Variants in JCAD observed in about 807,000 individuals in gnomAD.
JCAD encodes the protein junctional cadherin 5 associated, also known as junctional cadherin 5-associated protein.
Under a neutral mutation model 98.0 loss-of-function variants are expected in JCAD, and 40 were observed. That is an observed-to-expected ratio of 0.41 (90% CI 0.32 to 0.53). The LOEUF (loss-of-function observed/expected upper bound fraction) is 0.53, where lower values mean the gene tolerates loss of function less well. Among genes scored for constraint, JCAD ranks in the 20% least tolerant of loss-of-function variants. JCAD has a pLI of 0.31. For missense variants in JCAD, 1,705 were observed against 1,738.1 expected, an observed-to-expected ratio of 0.98 and a Z score of 0.34; for synonymous variants, 691 against 682.3, an observed-to-expected ratio of 1.01 and a Z score of -0.20.
In JCAD at chr10:30,014,004, T is replaced by A. The variant is rs1222943192; in HGVS notation, c.*3879A>T. ...ATGGTCTTAATGACTCCCTTTTTAT[T>A]TCTTTCCAACAAAACCTGCAGGCTG... On this transcript the variant is annotated 3_prime_UTR_variant, in exon 4 of 4. Transcript: ENST00000375377. 2 of 152,226 alleles carry A rather than the reference T, an allele frequency of 1.3e-5. No homozygotes were observed. The highest frequency in any genetic ancestry group is 1.3e-4 in the Admixed American group (2 of 15,284). The allele number at this position is 152,226 out of a possible 1,614,324, so 9.4% of individuals were successfully genotyped here. A position where few individuals can be genotyped will look rare whatever the true frequency, so the allele number is the denominator to read the frequency against.
intron 1 of JCAD, among the ~76,000 whole-genome samples, chr10:30,085,744 T>A (rs981729448): frequency 6.6e-6 from 1 of 152,238 alleles, no homozygotes; most frequent in African/African-American, 2.4e-5. Context: ...AGCAGAGTCC[T>A]GATTTCTAGC....
intron 1 of JCAD, among the ~76,000 whole-genome samples, chr10:30,073,107 T>C (rs745598773): frequency 2.4e-4 from 37 of 152,336 alleles, no homozygotes; most frequent in Non-Finnish European, 4.6e-4. Flanking sequence ...CTGAAGGTAT[T>C]CACAGTAAAG....
At position 30,029,134 on chromosome 10, in the gene JCAD, T is replaced by C. The variant is rs1169647768; in HGVS notation, c.1014A>G (p.Pro338=). The change falls in exon 3 of 4, where the codon CCA becomes CCG. Residue 338 remains proline (P), a synonymous_variant. Transcript: ENST00000375377. ...TGTATGAGGGCGGAGGCACGTACAC[T>C]GGAGGTTCCAATCCAGGGTCTGACA... ...LCLSDPGLEP[P]VYVPPPSYRS... The C allele has an allele frequency of 6.2e-7, 1 of 1,614,034 alleles. No individual in the cohort carries two copies. The highest frequency in any genetic ancestry group is 1.3e-5 in the African/African-American group (1 of 74,922).
At position 30,026,863 on chromosome 10, in the gene JCAD, C is replaced by CGCCA; in HGVS notation, c.3281_3284dup (p.Val1096GlyfsTer19). The CGCCA allele has an allele frequency of 6.2e-7, 1 of 1,613,966 alleles. No homozygotes were observed. Among genetic ancestry groups the CGCCA allele is most frequent in the South Asian group, 1.1e-5 (1 of 91,068 alleles). On this transcript the variant is annotated frameshift_variant, in exon 3 of 4. Transcript: ENST00000375377. LOFTEE classifies it high-confidence loss of function. The stretch of plus-strand genomic sequence containing the variant: ...GGATGCCCGGCAGGAGGGACTCCAC[C>CGCCA]GCCACCTCAATGCCCAGGATCCTTG...
chr10:30,040,372 A>G (rs554264575), intron 2 of JCAD, among the ~76,000 whole-genome samples: 16 of 152,142 alleles, frequency 1.1e-4, no homozygotes, highest in Non-Finnish European at 2.4e-4. Context: ...AAGGCAGATT[A>G]TTTCAGTATT....
At chr10:30,067,201 G>C (rs1467187952) in intron 2 of JCAD, among the ~76,000 whole-genome samples, 2 of 151,914 alleles carry the variant, frequency 1.3e-5, no homozygotes, top group African/African-American at 4.8e-5. Context: ...GCAAATAACT[G>C]TGAACTACAT....
At chr10:30,098,208 T>G (rs372556398) in intron 1 of JCAD, among the ~76,000 whole-genome samples, 74 of 152,276 alleles carry the variant, frequency 4.9e-4, no homozygotes, top group African/African-American at 1.7e-3. Context: ...TTTATATGAC[T>G]TCTCCTGACT....
chr10:30,077,631 A>G (rs116274577), intron 1 of JCAD, among the ~76,000 whole-genome samples: 2,124 of 152,292 alleles, frequency 0.014, 54 homozygotes, highest in African/African-American at 0.047. Flanking sequence ...TCTTCCATTT[A>G]CAAATATACC....
intron 1 of JCAD, among the ~76,000 whole-genome samples, chr10:30,091,454 A>G (rs1838262188): frequency 6.6e-6 from 1 of 152,156 alleles, no homozygotes; most frequent in South Asian, 2.1e-4. Flanking sequence ...AGTTTTTAAC[A>G]AAGTCTTACT....
At chr10:30,091,323 G>A (rs1694635915) in intron 1 of JCAD, among the ~76,000 whole-genome samples, 1 of 152,184 alleles carries the variant, frequency 6.6e-6, no homozygotes, top group South Asian at 2.1e-4. Flanking sequence ...ATGCAAACTG[G>A]CGTCAGATTT....
chr10:30,026,564 G>A lies in JCAD; in HGVS notation c.3584C>T (p.Pro1195Leu). 6.2e-7 allele frequency: 1 copy of A among 1,614,174 alleles called. No homozygotes were observed. Residue 1195 changes from proline (P) to leucine (L), a missense_variant, in exon 3 of 4, where the codon CCC becomes CTC. Around this residue, in one of 3 missense-constraint regions of JCAD, gnomAD observed 1,278 missense variants for 1,243.1 expected, o/e 1.03. Transcript: ENST00000375377. ...TTGTTCGAAGAACTTGGACTCCAAG[G>A]GGCTGGGCTCAGGCTCAGGGACAGG... is the stretch of plus-strand genomic sequence containing the variant. ...TDPVPEPEPS[P>L]LESKFFEQKD... is the part of the protein sequence containing the mutation.
At chr10:30,106,425 T>TA (rs199724499) in intron 1 of JCAD, among the ~76,000 whole-genome samples, 3,917 of 144,670 alleles carry the variant, frequency 0.027, 109 homozygotes, top group African/African-American at 0.073. Flanking sequence ...CCTTGTCTCT[T>TA]AAAAAAAAAA....
chr10:30,087,121 A>C (rs1838179001), intron 1 of JCAD, among the ~76,000 whole-genome samples: 1 of 152,118 alleles, frequency 6.6e-6, no homozygotes, highest in African/African-American at 2.4e-5. Context: ...TACCCCAGGC[A>C]AAGAGGCTAA....
chr10:30,111,661 G>A (rs1479869566), intron 1 of JCAD, among the ~76,000 whole-genome samples: 2 of 152,060 alleles, frequency 1.3e-5, no homozygotes, highest in African/African-American at 4.8e-5. Flanking sequence ...CCAGATAAAG[G>A]AAATACAAAG....
intron 2 of JCAD, among the ~76,000 whole-genome samples, chr10:30,036,989 G>A (rs892416497): frequency 6.6e-5 from 10 of 152,194 alleles, no homozygotes; most frequent in African/African-American, 1.4e-4. Context: ...TTCCGGAGGC[G>A]TCTGTATCTA....
At chr10:30,114,142 T>A (rs1838752802) in intron 1 of JCAD, among the ~76,000 whole-genome samples, 1 of 152,176 alleles carries the variant, frequency 6.6e-6, no homozygotes, top group East Asian at 1.9e-4. Context: ...CCGTGCACAA[T>A]GGGCTCTCCT....
chr10:30,083,814 C>T (rs1412277588), intron 1 of JCAD, among the ~76,000 whole-genome samples: 1 of 152,032 alleles, frequency 6.6e-6, no homozygotes, highest in Non-Finnish European at 1.5e-5. Context: ...ATCACTTGAG[C>T]CCATGAGTTG....
intron 1 of JCAD, among the ~76,000 whole-genome samples, chr10:30,056,361 A>C (rs1837569635): frequency 6.6e-6 from 1 of 152,174 alleles, no homozygotes; most frequent in South Asian, 2.1e-4. Context: ...TAAGTACAAA[A>C]GTCATGTAAA....
rs1362871474 is a variant in JCAD at position 30,026,632 on chromosome 10, A to T, written c.3516T>A (p.Ala1172=). The part of the protein sequence containing the change: ...DRDSARRAPQ[A]FEHSDVDGVV... The stretch of plus-strand genomic sequence containing the variant: ...CCCCGTCCACATCTGAGTGCTCAAA[A>T]GCCTGAGGAGCCCGCCTGGCACTGT... Residue 1172 remains alanine, a synonymous_variant, in exon 3 of 4, where the codon GCT becomes GCA. Transcript: ENST00000375377. 17 of 1,613,250 alleles carry T rather than the reference A, an allele frequency of 1.1e-5. No individual in the cohort carries two copies. The highest frequency in any genetic ancestry group is 1.4e-5 in the Non-Finnish European group (16 of 1,180,018).
Sources: gnomAD v4.1 joint callset for allele counts (sites outside exome capture counted in the v4.1 genomes callset) on GRCh38, gnomAD v4.1.1 for gene constraint, gnomAD v4.1.1 regional missense constraint, MANE v1.5 for transcripts, NCBI Gene and HGNC (gene_info 2026-07-23, HGNC 2026-07-21) for gene names.